DCUN1D3: variants seen among roughly 807,000 people sequenced by gnomAD.
DCUN1D3 encodes DCN1-like protein 3.
DCUN1D3 carries 6 observed loss-of-function variants against 24.8 expected under a neutral mutation model. The observed-to-expected ratio is 0.24, with a 90% CI of 0.13 to 0.48. The LOEUF is 0.48. Among genes scored for constraint, DCUN1D3 ranks in the 20% least tolerant of loss-of-function variants. DCUN1D3 has a pLI of 0.99. For missense variants in DCUN1D3, 258 were observed against 379.4 expected (o/e 0.68, Z 2.66); for synonymous variants, 120 against 144.9 (o/e 0.83, Z 1.24).
intron 1 of DCUN1D3, among the ~76,000 whole-genome samples, chr16:20,899,668 G>C (rs546534144): frequency 6.6e-6 from 1 of 152,216 alleles, no homozygotes; most frequent in Non-Finnish European, 1.5e-5. Context: ...TTGTCACCCC[G>C]TCCCACTTCC....
chr16:20,857,101 C>G lies in DCUN1D3; in HGVS notation c.*2785G>C, dbSNP rs1391298888. 1 of 152,182 alleles carries G rather than the reference C, an allele frequency of 6.6e-6. No individual in the cohort carries two copies. Among genetic ancestry groups the G allele is most frequent in the Non-Finnish European group, 1.5e-5 (1 of 68,032 alleles). 9.4% of individuals were successfully genotyped at this position (152,182 alleles called of 1,614,324 possible). ...GTATAACTTCAAACCCTACACACAC[C>G]TCACCTTGGATCCCTTTGCAGAAAA... is the stretch of plus-strand genomic sequence containing the variant. On this transcript the variant is annotated 3_prime_UTR_variant, in exon 3 of 3. Coordinates refer to ENST00000324344, the MANE Select transcript of DCUN1D3 (RefSeq NM_173475.4).
chr16:20,885,271 C>T (rs557254449), intron 1 of DCUN1D3, among the ~76,000 whole-genome samples: 28 of 152,216 alleles, frequency 1.8e-4, no homozygotes, highest in East Asian at 5.8e-4. Flanking sequence ...CCATTGCACC[C>T]GGCATTTTGC....
chr16:20,890,675 C>T (rs1488255012), intron 1 of DCUN1D3, among the ~76,000 whole-genome samples: 4 of 152,092 alleles, frequency 2.6e-5, no homozygotes, highest in Non-Finnish European at 4.4e-5. Context: ...GCTAACTCCA[C>T]GCAGTAACAG....
intron 1 of DCUN1D3, among the ~76,000 whole-genome samples, chr16:20,889,077 A>T (rs2081880010): frequency 1.3e-5 from 2 of 152,092 alleles, no homozygotes; most frequent in African/African-American, 4.8e-5. Flanking sequence ...AAAACACAAA[A>T]ATTAGCCGGG....
intron 1 of DCUN1D3, among the ~76,000 whole-genome samples, chr16:20,878,007 G>T (rs990466287): frequency 6.6e-6 from 1 of 152,086 alleles, no homozygotes; most frequent in Non-Finnish European, 1.5e-5. Context: ...TTGCTATGTT[G>T]CCCAGGCTGG....
chr16:20,895,859 C>T (rs1237830606), intron 1 of DCUN1D3, among the ~76,000 whole-genome samples: 1 of 152,156 alleles, frequency 6.6e-6, no homozygotes, highest in Non-Finnish European at 1.5e-5. Flanking sequence ...ACAGGAGTTA[C>T]CACGTCATTA....
chr16:20,899,011 C>T (rs2081938780), intron 1 of DCUN1D3, among the ~76,000 whole-genome samples: 1 of 152,190 alleles, frequency 6.6e-6, no homozygotes, highest in Admixed American at 6.5e-5. Flanking sequence ...CTAAACAGAT[C>T]ACACTGTCTC....
chr16:20,877,378 C>G (rs1181055604), intron 1 of DCUN1D3, among the ~76,000 whole-genome samples: 1 of 152,198 alleles, frequency 6.6e-6, no homozygotes, highest in East Asian at 1.9e-4. Flanking sequence ...TCTAATTCAG[C>G]ACAACGCTGT....
intron 2 of DCUN1D3, among the ~76,000 whole-genome samples, chr16:20,861,199 G>A (rs538546857): frequency 2.6e-5 from 4 of 152,230 alleles, no homozygotes; most frequent in Admixed American, 1.3e-4. Flanking sequence ...GGCTGAGGGC[G>A]GGCAACATGC....
At chr16:20,875,829 A>G (rs1206326966) in intron 1 of DCUN1D3, among the ~76,000 whole-genome samples, 1 of 152,286 alleles carries the variant, frequency 6.6e-6, no homozygotes, top group East Asian at 1.9e-4. Flanking sequence ...ACAATCAACA[A>G]TGTGAAGAGA....
chr16:20,898,998 A>C (rs1374010158), intron 1 of DCUN1D3, among the ~76,000 whole-genome samples: 1 of 152,248 alleles, frequency 6.6e-6, no homozygotes, highest in East Asian at 1.9e-4. Context: ...CCTTAAACCA[A>C]AACTAAACAG....
intron 1 of DCUN1D3, among the ~76,000 whole-genome samples, chr16:20,872,378 A>G (rs2081792670): frequency 2.0e-5 from 3 of 152,172 alleles, no homozygotes; most frequent in East Asian, 1.9e-4. Context: ...GATGACCACA[A>G]ATGTAGATAT....
chr16:20,872,036 T>A (rs549395387), intron 1 of DCUN1D3, among the ~76,000 whole-genome samples: 1 of 152,330 alleles, frequency 6.6e-6, no homozygotes, highest in African/African-American at 2.4e-5. Context: ...GGATGGAGCC[T>A]CAGTAGAGCC....
chr16:20,888,122 T>C (rs2081875432), intron 1 of DCUN1D3, among the ~76,000 whole-genome samples: 1 of 152,186 alleles, frequency 6.6e-6, no homozygotes. Flanking sequence ...AAACTGACTA[T>C]AAGAGGAGGT....
At chr16:20,868,523 A>G (rs1436902914) in intron 1 of DCUN1D3, among the ~76,000 whole-genome samples, 1 of 152,216 alleles carries the variant, frequency 6.6e-6, no homozygotes, top group African/African-American at 2.4e-5. Flanking sequence ...TCAAAGCACT[A>G]TTGGGTAGAA....
At chr16:20,886,654 C>T (rs1035942507) in intron 1 of DCUN1D3, among the ~76,000 whole-genome samples, 2 of 152,226 alleles carry the variant, frequency 1.3e-5, no homozygotes, top group African/African-American at 4.8e-5. Flanking sequence ...CACAAACACA[C>T]ACAAAAGTCT....
At position 20,857,611 on chromosome 16, in the gene DCUN1D3, C is replaced by T. The variant is rs540732473; in HGVS notation, c.*2275G>A. The T allele has an allele frequency of 2.0e-5, 3 of 152,194 alleles. No individual in the cohort carries two copies. Among genetic ancestry groups the T allele is most frequent in the Non-Finnish European group, 4.4e-5 (3 of 68,046 alleles). The allele number at this position is 152,194 out of a possible 1,614,324, so 9.4% of individuals were successfully genotyped here. The stretch of plus-strand genomic sequence containing the variant: ...CAAACTGGCTTAATGAAAAAGCAGT[C>T]TTTTTAAAACCTCAGTCTGGGTACC... On this transcript the variant is annotated 3_prime_UTR_variant, in exon 3 of 3. Coordinates refer to ENST00000324344, the MANE Select transcript of DCUN1D3 (RefSeq NM_173475.4).
intron 1 of DCUN1D3, among the ~76,000 whole-genome samples, chr16:20,875,099 A>G (rs1180302824): frequency 2.0e-5 from 3 of 152,128 alleles, no homozygotes; most frequent in Non-Finnish European, 4.4e-5. Context: ...TTTAAGAAAC[A>G]ACATAAAAAA....
chr16:20,869,536 C>G (rs1486136011), intron 1 of DCUN1D3, among the ~76,000 whole-genome samples: 1 of 152,100 alleles, frequency 6.6e-6, no homozygotes, highest in African/African-American at 2.4e-5. Flanking sequence ...AAAATAAAAC[C>G]AGTCTGCCAG....
Sources: gnomAD v4.1 joint callset for allele counts (sites outside exome capture counted in the v4.1 genomes callset) on GRCh38, gnomAD v4.1.1 for gene constraint, MANE v1.5 for transcripts, NCBI Gene and HGNC (gene_info 2026-07-23, HGNC 2026-07-21) for gene names.